The following SPPL2C variants were observed in gnomAD, a reference collection of about 807,000 sequenced individuals.
SPPL2C encodes signal peptide peptidase-like 2C.
Under a neutral mutation model 38.8 loss-of-function variants are expected in SPPL2C, and 33 were observed. The ratio of observed to expected loss-of-function variants is 0.85; its 90% confidence interval spans 0.64 to 1.14. The LOEUF (loss-of-function observed/expected upper bound fraction) is 1.14. SPPL2C is among the 50% of genes most tolerant of loss of function. The pLI, the probability that SPPL2C is intolerant of heterozygous loss-of-function variation, is 0.00. For missense variants in SPPL2C, 899 were observed against 904.4 expected, an observed-to-expected ratio of 0.99 and a Z score of 0.08; for synonymous variants, 384 against 390.7, an observed-to-expected ratio of 0.98 and a Z score of 0.20.
At position 45,845,898 on chromosome 17, in the gene SPPL2C, G is replaced by T. The variant is rs200843300; in HGVS notation, c.992G>T (p.Cys331Phe). Residue 331 changes from cysteine to phenylalanine, a missense_variant, in exon 1 of 1, where the codon TGC (cysteine) becomes TTC (phenylalanine). Coordinates refer to ENST00000329196, the MANE Select transcript of SPPL2C (RefSeq NM_175882.3). ...CCTCTGCTGCTGCTGGCGAGCCTGT[G>T]CGCAACCGTGATCATCTTCTGGGTG... ...PLPLLLLASL[C>F]ATVIIFWVAY... 1.6e-4 allele frequency: 263 copies of T among 1,606,578 alleles called. No homozygotes were observed. The East Asian group carries it at 5.1e-3, about 31-fold the overall frequency.
In SPPL2C at chr17:45,846,012, T is replaced by A; in HGVS notation, c.1106T>A (p.Leu369Gln). ...YCLFVLHRVR[L>Q]PTLKNCSSFL... The stretch of plus-strand genomic sequence containing the variant: ...CTGTTCGTCCTGCACCGTGTGCGGC[T>A]GCCCACTCTCAAGAACTGCTCCTCC... The change falls in exon 1 of 1, where the codon CTG becomes CAG. Residue 369 changes from leucine to glutamine, a missense_variant. Transcript: ENST00000329196. 1 of 1,613,976 alleles carries A rather than the reference T, an allele frequency of 6.2e-7. No individual in the cohort carries two copies. Among genetic ancestry groups the A allele is most frequent in the Non-Finnish European group, 8.5e-7 (1 of 1,180,016 alleles).
At position 45,845,074 on chromosome 17, in the gene SPPL2C, C is replaced by T. The variant is rs138746940; in HGVS notation, c.168C>T (p.Ala56=). ...CCCTCCCCCGGGACCTGCACCACGCCCCACTCCTGCCCCTGTATGATGGCA... is the reference window on the plus strand; with the variant it reads ...CCCTCCCCCGGGACCTGCACCACGCTCCACTCCTGCCCCTGTATGATGGCA... The part of the protein sequence containing the change: ...YITLPRDLHH[A]PLLPLYDGTK... The change falls in exon 1 of 1, where the codon GCC becomes GCT. Residue 56 remains alanine, a synonymous_variant. Transcript: ENST00000329196. The T allele has an allele frequency of 9.9e-5, 160 of 1,613,850 alleles. No individual in the cohort carries two copies. Among genetic ancestry groups the T allele is most frequent in the Non-Finnish European group, 1.3e-4 (155 of 1,179,866 alleles).
chr17:45,846,089 T>C lies in SPPL2C; in HGVS notation c.1183T>C (p.Phe395Leu). Residue 395 changes from phenylalanine (F) to leucine (L), a missense_variant, in exon 1 of 1, where the codon TTC (phenylalanine) becomes CTC (leucine). Transcript: ENST00000329196. The stretch of plus-strand genomic sequence containing the variant: ...TGTCTTCTTTGTCTTCGTCACCCCC[T>C]TCTTCACCAAAACCGGTGAGAGCAT... ...FDVFFVFVTP[F>L]FTKTGESIMA... is the part of the protein sequence containing the mutation. The C allele has an allele frequency of 6.2e-7, 1 of 1,614,186 alleles. No individual in the cohort carries two copies. Among genetic ancestry groups the C allele is most frequent in the Non-Finnish European group, 8.5e-7 (1 of 1,180,028 alleles).
rs563236310 is a variant in SPPL2C, at chr17:45,846,461, C to T, written c.1555C>T (p.Arg519Cys). Residue 519 changes from arginine to cysteine, a missense_variant, in exon 1 of 1, where the codon CGC (arginine) becomes TGC (cysteine). Transcript: ENST00000329196. ...LLTSLAVAAC[R>C]QELSLFWTGQ... is the part of the protein sequence containing the mutation. ...CACCAGCCTGGCTGTGGCTGCCTGC[C>T]GCCAAGAGCTCAGCCTCTTCTGGAC... The T allele has an allele frequency of 7.4e-6, 12 of 1,612,856 alleles. No individual in the cohort carries two copies. The highest frequency in any genetic ancestry group is 2.2e-5 in the East Asian group (1 of 44,876).
rs893417498 is a variant in SPPL2C, at chr17:45,846,303, T to C, written c.1397T>C (p.Val466Ala). 3 of 1,614,128 alleles carry C rather than the reference T, an allele frequency of 1.9e-6. No homozygotes were observed. The highest frequency in any genetic ancestry group is 1.7e-6 in the Non-Finnish European group (2 of 1,180,040). ...VAYCCRFDVQ[V>A]CSRQIYFVAC... ...TACTGTTGCCGCTTTGATGTGCAAG[T>C]CTGCTCCCGTCAGATCTACTTCGTG... The change falls in exon 1 of 1, where the codon GTC becomes GCC. Residue 466 changes from valine (V) to alanine (A), a missense_variant. By Grantham distance (64) the Val-to-Ala change is moderately conservative. Coordinates refer to ENST00000329196, the MANE Select transcript of SPPL2C (RefSeq NM_175882.3).
Position 45,846,075 on chromosome 17 carries a change from T to C in SPPL2C, c.1169T>C (p.Val390Ala). The change falls in exon 1 of 1, where the codon GTC (valine) becomes GCC (alanine). Residue 390 changes from valine (V) to alanine (A), a missense_variant. Transcript: ENST00000329196. Reference protein sequence around the residue: ...LALLAFDVFFVFVTPFFTKTG... With the variant: ...LALLAFDVFFAFVTPFFTKTG... ...CTGCTGGCCTTTGATGTCTTCTTTGTCTTCGTCACCCCCTTCTTCACCAAA... is the reference window on the plus strand; with the variant it reads ...CTGCTGGCCTTTGATGTCTTCTTTGCCTTCGTCACCCCCTTCTTCACCAAA... 2 of 1,614,168 alleles carry C rather than the reference T, an allele frequency of 1.2e-6. No homozygotes were observed. The highest frequency in any genetic ancestry group is 1.7e-6 in the Non-Finnish European group (2 of 1,180,034).
Position 45,844,912 on chromosome 17 carries a change from G to A in SPPL2C, c.6G>A (p.Ala2=), listed in dbSNP as rs569624783. 6.0e-5 allele frequency: 96 copies of A among 1,601,148 alleles called. No individual in the cohort carries two copies. Among genetic ancestry groups the A allele is most frequent in the African/African-American group, 1.3e-4 (10 of 74,850 alleles). The change falls in exon 1 of 1, where the codon GCG becomes GCA. Residue 2 remains alanine, a synonymous_variant. Transcript: ENST00000329196. Reference sequence around the variant, plus strand: ...TGCAGTAGGAACTGAAGAAGATGGCGTGCCTGGGCTTCCTCCTCCCCGTGG... The same window carrying A: ...TGCAGTAGGAACTGAAGAAGATGGCATGCCTGGGCTTCCTCCTCCCCGTGG... The part of the protein sequence containing the change: M[A]CLGFLLPVGF...
Position 45,846,964 on chromosome 17 carries a change from T to C in SPPL2C, c.*3T>C. On this transcript the variant is annotated 3_prime_UTR_variant, in exon 1 of 1. Transcript: ENST00000329196. The stretch of plus-strand genomic sequence containing the variant: ...TGTCGACCCAGGCTCCCTTGTGAAC[T>C]GGAGGCACTGGGACACACGCCTCTC... 6.4e-7 allele frequency: 1 copy of C among 1,550,692 alleles called. No homozygotes were observed. The highest frequency in any genetic ancestry group is 8.7e-7 in the Non-Finnish European group (1 of 1,151,784).
At position 45,844,971 on chromosome 17, in the gene SPPL2C, G is replaced by A. The variant is rs761161008; in HGVS notation, c.65G>A (p.Gly22Glu). The A allele has an allele frequency of 6.2e-6, 10 of 1,613,986 alleles. No individual in the cohort carries two copies. Among genetic ancestry groups the A allele is most frequent in the South Asian group, 2.2e-5 (2 of 91,090 alleles). Reference sequence around the variant, plus strand: ...CTCCTCATCAGCACCGTGGCCGGGGGAAAGTACGGCGTGGCCCACGTGGTG... The same window carrying A: ...CTCCTCATCAGCACCGTGGCCGGGGAAAAGTACGGCGTGGCCCACGTGGTG... ...FLLLISTVAG[G>E]KYGVAHVVSE... Residue 22 changes from glycine (G) to glutamate (E), a missense_variant, in exon 1 of 1, where the codon GGA (glycine) becomes GAA (glutamate). Coordinates refer to ENST00000329196, the MANE Select transcript of SPPL2C (RefSeq NM_175882.3).
chr17:45,845,966 A>T lies in SPPL2C; in HGVS notation c.1060A>T (p.Thr354Ser). The change falls in exon 1 of 1, where the codon ACA (threonine) becomes TCA (serine). Residue 354 changes from threonine (T) to serine (S), a missense_variant. By Grantham distance (58) the Thr-to-Ser change is moderately conservative (BLOSUM62 1). Transcript: ENST00000329196. ...CCGCTGGGCGTGGCTCCTGCAGGAC[A>T]CACTGGGCATTTCCTACTGCCTGTT... ...EDRWAWLLQD[T>S]LGISYCLFVL... 1 of 1,611,826 alleles carries T rather than the reference A, an allele frequency of 6.2e-7. No individual in the cohort carries two copies. Among genetic ancestry groups the T allele is most frequent in the Non-Finnish European group, 8.5e-7 (1 of 1,180,012 alleles).
chr17:45,845,398 C>T lies in SPPL2C; in HGVS notation c.492C>T (p.His164=), dbSNP rs1166867946. ...HYADMLDILS[H]TRGEAVVRVA... is the part of the protein sequence containing the mutation. ...CTGACATGCTGGACATCCTCAGCCA[C>T]ACTCGTGGGGAGGCCGTCGTCCGCG... Residue 164 remains histidine (H), a synonymous_variant, in exon 1 of 1, where the codon CAC becomes CAT. Transcript: ENST00000329196. 1 of 1,613,580 alleles carries T rather than the reference C, an allele frequency of 6.2e-7. No homozygotes were observed. Among genetic ancestry groups the T allele is most frequent in the Admixed American group, 1.7e-5 (1 of 60,028 alleles).
At position 45,846,762 on chromosome 17, in the gene SPPL2C, CT is replaced by C. The variant is rs766181567; in HGVS notation, c.1857del (p.Ala621ProfsTer5). The C allele has an allele frequency of 1.9e-6, 3 of 1,614,092 alleles. No homozygotes were observed. Among genetic ancestry groups the C allele is most frequent in the East Asian group, 4.5e-5 (2 of 44,898 alleles). On this transcript the variant is annotated frameshift_variant, in exon 1 of 1. Coordinates refer to ENST00000329196, the MANE Select transcript of SPPL2C (RefSeq NM_175882.3). LOFTEE classifies it high-confidence loss of function. ...CCTAATGAGCTGCCCTTCATCCCCC[CT>C]GGGGCCTCGGAGGAGCTGATGCCAC... Reference protein sequence around the residue: ...LDPNELPFIPPGASEELMPLM... With the variant: ...LDPNELPFIPXGASEELMPLM...
rs375579334 is a variant in SPPL2C, at chr17:45,845,749, C to T, written c.843C>T (p.Thr281=). Residue 281 remains threonine (T), a synonymous_variant, in exon 1 of 1, where the codon ACC becomes ACT. Transcript: ENST00000329196. The part of the protein sequence containing the change: ...YFFYDHFVYV[T]IGIFGLGAGI... ...TCTATGACCACTTTGTCTATGTCAC[C>T]ATTGGGATCTTTGGCCTGGGTGCTG... 1 of 1,612,964 alleles carries T rather than the reference C, an allele frequency of 6.2e-7. No homozygotes were observed. Among genetic ancestry groups the T allele is most frequent in the African/African-American group, 1.3e-5 (1 of 74,958 alleles).
In SPPL2C at chr17:45,846,855, TCCATGC is replaced by T. The variant is rs1480334123; in HGVS notation, c.1953_1958del (p.His651_Ala652del). On this transcript the variant is annotated inframe_deletion, in exon 1 of 1. Coordinates refer to ENST00000329196, the MANE Select transcript of SPPL2C (RefSeq NM_175882.3). The stretch of plus-strand genomic sequence containing the variant: ...CCCCCGCCCTCAGAGCTGGGCCATG[TCCATGC>T]CCAGGCCCAGGCCCACGAGACTGGC... 1 of 1,613,522 alleles carries T rather than the reference TCCATGC, an allele frequency of 6.2e-7. No homozygotes were observed. The highest frequency in any genetic ancestry group is 2.2e-5 in the East Asian group (1 of 44,864).
rs140064060 is a variant in SPPL2C at position 45,845,306 on chromosome 17, C to A, written c.400C>A (p.Leu134Met). 1,664 of 1,614,060 alleles carry A rather than the reference C, an allele frequency of 1.0e-3. 1 individual carries two copies. Among genetic ancestry groups the A allele is most frequent in the Admixed American group, 1.3e-3 (76 of 60,026 alleles). The change falls in exon 1 of 1, where the codon CTG (leucine) becomes ATG (methionine). Residue 134 changes from leucine (L) to methionine (M), a missense_variant. Coordinates refer to ENST00000329196, the MANE Select transcript of SPPL2C (RefSeq NM_175882.3). Reference protein sequence around the residue: ...VSDQQCSDTTLAPQDPRQPLA... With the variant: ...VSDQQCSDTTMAPQDPRQPLA... ...TGACCAACAGTGCTCAGACACCACC[C>A]TGGCACCCCAGGATCCCCGCCAGCC...
At position 45,846,247 on chromosome 17, in the gene SPPL2C, T is replaced by C; in HGVS notation, c.1341T>C (p.Gly447=). 2 of 1,614,166 alleles carry C rather than the reference T, an allele frequency of 1.2e-6. No homozygotes were observed. The highest frequency in any genetic ancestry group is 1.7e-6 in the Non-Finnish European group (2 of 1,180,028). The change falls in exon 1 of 1, where the codon GGT becomes GGC. Residue 447 remains glycine, a synonymous_variant. Transcript: ENST00000329196. ...AGCCCTTCTCCATCCTTGGCTTCGG[T>C]GACATTGTGGTCCCCGGCTTCCTGG... ...CSQPFSILGF[G]DIVVPGFLVA...
In SPPL2C at chr17:45,845,089, G is replaced by T; in HGVS notation, c.183G>T (p.Leu61=). ...RDLHHAPLLP[L]YDGTKAPWCP... ...TGCACCACGCCCCACTCCTGCCCCT[G>T]TATGATGGCACCAAGGCACCCTGGT... is the stretch of plus-strand genomic sequence containing the variant. Residue 61 remains leucine (L), a synonymous_variant, in exon 1 of 1, where the codon CTG becomes CTT. Transcript: ENST00000329196. The T allele has an allele frequency of 6.2e-7, 1 of 1,613,668 alleles. No homozygotes were observed. The highest frequency in any genetic ancestry group is 8.5e-7 in the Non-Finnish European group (1 of 1,179,652).
rs772195328 is a variant in SPPL2C, at chr17:45,845,273, C to T, written c.367C>T (p.Arg123Trp). Residue 123 changes from arginine to tryptophan, a missense_variant, in exon 1 of 1, where the codon CGG becomes TGG. Coordinates refer to ENST00000329196, the MANE Select transcript of SPPL2C (RefSeq NM_175882.3). Reference sequence around the variant, plus strand: ...TGCCCACGGGCTGCTCATCGTGAGCCGGGTCAGTGACCAACAGTGCTCAGA... The same window carrying T: ...TGCCCACGGGCTGCTCATCGTGAGCTGGGTCAGTGACCAACAGTGCTCAGA... ...QGAHGLLIVS[R>W]VSDQQCSDTT... 3.8e-5 allele frequency: 62 copies of T among 1,613,822 alleles called. No homozygotes were observed. The highest frequency in any genetic ancestry group is 5.2e-5 in the Non-Finnish European group (61 of 1,179,962).
Position 45,846,411 on chromosome 17 carries a change from T to C in SPPL2C, c.1505T>C (p.Leu502Pro). 1.9e-6 allele frequency: 3 copies of C among 1,613,372 alleles called. No homozygotes were observed. The highest frequency in any genetic ancestry group is 2.5e-6 in the Non-Finnish European group (3 of 1,180,022). Residue 502 changes from leucine to proline, a missense_variant, in exon 1 of 1, where the codon CTC (leucine) becomes CCC (proline). Leu to Pro is a moderately conservative substitution (Grantham distance 98). Coordinates refer to ENST00000329196, the MANE Select transcript of SPPL2C (RefSeq NM_175882.3). ...VLMQMGQPAL[L>P]YLVSSTLLTS... ...ATGCAGATGGGCCAACCTGCCTTGC[T>C]CTACCTAGTGTCCAGCACCCTGCTC...
Sources: allele counts gnomAD v4.1 joint callset, GRCh38; gene constraint gnomAD v4.1.1; transcripts MANE v1.5; gene names NCBI Gene and HGNC (gene_info 2026-07-23, HGNC 2026-07-21).